Variants in DENND1A observed in about 807,000 individuals in gnomAD.
The protein encoded by DENND1A is DENN domain-containing protein 1A.
DENND1A carries 51 observed loss-of-function variants against 113.7 expected under a neutral mutation model. That is an observed-to-expected ratio of 0.45 (90% confidence interval 0.36 to 0.57). The LOEUF is 0.57. Ranked by LOEUF, DENND1A falls within the 20% of genes least tolerant of loss-of-function variation. The pLI is 0.00. For synonymous variants in DENND1A, 565 were observed against 570.8 expected (o/e 0.99, Z 0.14); for missense variants, 1,258 against 1,395.9 (o/e 0.90, Z 1.57).
intron 5 of DENND1A, among the ~76,000 whole-genome samples, chr9:123,748,535 T>G (rs1400568070): frequency 6.6e-6 from 1 of 152,192 alleles, no homozygotes; most frequent in Non-Finnish European, 1.5e-5. Context: ...CTACTGCTTC[T>G]AAAACTGATC....
chr9:123,763,105 G>C (rs942909839), intron 4 of DENND1A, among the ~76,000 whole-genome samples: 2 of 151,708 alleles, frequency 1.3e-5, no homozygotes, highest in Non-Finnish European at 2.9e-5. Flanking sequence ...GCGGTGGGGG[G>C]AGGCAATAGA....
At chr9:123,775,268 A>G (rs894157308) in intron 3 of DENND1A, among the ~76,000 whole-genome samples, 6 of 152,228 alleles carry the variant, frequency 3.9e-5, no homozygotes, top group African/African-American at 1.4e-4. Context: ...ATTAGCATTC[A>G]GTGGCTAATC....
chr9:123,852,331 G>A (rs1843510467), intron 2 of DENND1A, among the ~76,000 whole-genome samples: 1 of 152,144 alleles, frequency 6.6e-6, no homozygotes, highest in South Asian at 2.1e-4. Flanking sequence ...GGACCTTGGG[G>A]AGGCTGAGGA....
chr9:123,666,755 C>T (rs2063510329), intron 8 of DENND1A, among the ~76,000 whole-genome samples: 1 of 151,994 alleles, frequency 6.6e-6, no homozygotes, highest in Non-Finnish European at 1.5e-5. Flanking sequence ...AAGAGGGAAT[C>T]AAATATCATA....
intron 3 of DENND1A, among the ~76,000 whole-genome samples, chr9:123,785,692 C>T (rs1429238517): frequency 6.6e-6 from 1 of 152,166 alleles, no homozygotes; most frequent in Non-Finnish European, 1.5e-5. Context: ...TTCACAAATA[C>T]TGATATCCAC....
intron 5 of DENND1A, among the ~76,000 whole-genome samples, chr9:123,678,493 G>A (rs1280070874): frequency 6.6e-6 from 1 of 152,334 alleles, no homozygotes. Context: ...TGCTAACAGA[G>A]TCCAATACCG....
chr9:123,552,025 G>GAGAGAGAC (rs1564702998), intron 13 of DENND1A, among the ~76,000 whole-genome samples: 2 of 142,806 alleles, frequency 1.4e-5, no homozygotes, highest in African/African-American at 2.8e-5. Context: ...GAGCGAGAGA[G>GAGAGAGAC]AGAGAGAGAG....
intron 2 of DENND1A, among the ~76,000 whole-genome samples, chr9:123,818,656 A>G (rs1010172900): frequency 1.3e-5 from 2 of 151,982 alleles, no homozygotes; most frequent in Admixed American, 6.6e-5. Flanking sequence ...CCTTACACAC[A>G]TAGCCTGAAG....
At chr9:123,626,561 C>G in intron 10 of DENND1A, among the ~76,000 whole-genome samples, 1 of 152,024 alleles carries the variant, frequency 6.6e-6, no homozygotes, top group Non-Finnish European at 1.5e-5. Context: ...CCTCTAGTTC[C>G]CCTCATCTCC....
At chr9:123,838,830 C>A (rs764255191) in intron 2 of DENND1A, among the ~76,000 whole-genome samples, 1 of 152,190 alleles carries the variant, frequency 6.6e-6, no homozygotes, top group Non-Finnish European at 1.5e-5. Context: ...AGTGGCAGTG[C>A]CCAAACCCTC....
intron 11 of DENND1A, among the ~76,000 whole-genome samples, chr9:123,602,249 C>T (rs745906547): frequency 6.6e-6 from 1 of 152,172 alleles, no homozygotes; most frequent in African/African-American, 2.4e-5. Flanking sequence ...ATACCTAATA[C>T]AATGTAAATG....
chr9:123,673,769 A>G lies in DENND1A; in HGVS notation c.373-2398T>C, dbSNP rs1245848910. On this transcript the variant is annotated intron_variant, in intron 6 of 23. Coordinates refer to ENST00000394215, the MANE Select transcript of DENND1A (RefSeq NM_001352964.2). ...ACACCAATGGCTCCTATTCCAATCC[A>G]ATATAGAAATTATTCTAGTTTTCTC... Among the ~76,000 whole-genome samples the G allele has an allele frequency of 2.6e-5, 4 of 152,320 alleles. No individual in the cohort carries two copies. The East Asian group carries it at 7.7e-4, about 29-fold the overall frequency.
At chr9:123,910,421 G>A (rs1853739347) in intron 1 of DENND1A, among the ~76,000 whole-genome samples, 1 of 152,078 alleles carries the variant, frequency 6.6e-6, no homozygotes, top group African/African-American at 2.4e-5. Context: ...GGGAAGAAAA[G>A]GAATTAACCT....
intron 5 of DENND1A, among the ~76,000 whole-genome samples, chr9:123,685,773 G>A (rs2064770367): frequency 6.6e-6 from 1 of 152,090 alleles, no homozygotes; most frequent in Non-Finnish European, 1.5e-5. Flanking sequence ...ATTTTCCATT[G>A]AGCCCAGGCA....
At chr9:123,409,000 CAA>C in intron 20 of DENND1A, among the ~76,000 whole-genome samples, 1 of 152,166 alleles carries the variant, frequency 6.6e-6, no homozygotes, top group East Asian at 1.9e-4. Context: ...TGGTAGAAAA[CAA>C]AGAGAGACAG....
At chr9:123,683,921 G>GA (rs1251732862) in intron 5 of DENND1A, among the ~76,000 whole-genome samples, 1 of 152,150 alleles carries the variant, frequency 6.6e-6, no homozygotes, top group Non-Finnish European at 1.5e-5. Context: ...GGGACGTGGG[G>GA]ATCCAAATTT....
chr9:123,728,720 A>G (rs908762401), intron 5 of DENND1A, among the ~76,000 whole-genome samples: 1 of 152,182 alleles, frequency 6.6e-6, no homozygotes, highest in Non-Finnish European at 1.5e-5. Context: ...AAGAATTACT[A>G]TGATGCCACG....
chr9:123,426,850 G>A (rs963179251), intron 19 of DENND1A, among the ~76,000 whole-genome samples: 4 of 152,198 alleles, frequency 2.6e-5, no homozygotes, highest in Admixed American at 6.5e-5. Flanking sequence ...CCACCTCATC[G>A]CAGAACAGCC....
At chr9:123,608,896 T>C (rs1435449216) in intron 11 of DENND1A, among the ~76,000 whole-genome samples, 2 of 152,226 alleles carry the variant, frequency 1.3e-5, no homozygotes, top group Non-Finnish European at 2.9e-5. Flanking sequence ...CAAGCCATGT[T>C]AATTAAAATA....
Sources: allele counts gnomAD v4.1 joint callset (sites outside exome capture counted in the v4.1 genomes callset), GRCh38; gene constraint gnomAD v4.1.1; transcripts MANE v1.5; gene names NCBI Gene and HGNC (gene_info 2026-07-23, HGNC 2026-07-21).